ANKH: variants seen among roughly 807,000 people sequenced by gnomAD.
The protein encoded by ANKH is mineralization regulator ANKH.
ANKH carries 15 observed loss-of-function variants against 49.0 expected under a neutral mutation model. The observed-to-expected ratio is 0.31, with a 90% CI of 0.20 to 0.47. The LOEUF (loss-of-function observed/expected upper bound fraction) is 0.47, where lower values mean the gene tolerates loss of function less well. ANKH is among the 20% of genes least tolerant of loss of function. The pLI, the probability that ANKH is intolerant of heterozygous loss-of-function variation, is 1.00. For synonymous variants in ANKH, 273 were observed against 260.0 expected, an observed-to-expected ratio of 1.05 and a Z score of -0.48; for missense variants, 429 against 652.0, an observed-to-expected ratio of 0.66 and a Z score of 3.72.
chr5:14,712,565 C>T (rs1426803181), intron 11 of ANKH, among the ~76,000 whole-genome samples: 2 of 152,264 alleles, frequency 1.3e-5, no homozygotes, highest in African/African-American at 4.8e-5. Flanking sequence ...GGGTCATTCC[C>T]CAAAGCAAGC....
intron 1 of ANKH, among the ~76,000 whole-genome samples, chr5:14,815,627 A>G (rs1350884918): frequency 1.3e-5 from 2 of 152,208 alleles, no homozygotes; most frequent in African/African-American, 4.8e-5. Context: ...CTCATGGATG[A>G]CAAAGTACTC....
intron 1 of ANKH, among the ~76,000 whole-genome samples, chr5:14,819,928 C>G (rs1354420574): frequency 7.0e-6 from 1 of 143,426 alleles, no homozygotes; most frequent in Non-Finnish European, 1.5e-5. Context: ...CACACACACA[C>G]ACACACACAC....
intron 1 of ANKH, among the ~76,000 whole-genome samples, chr5:14,793,248 C>G (rs1441074086): frequency 6.6e-6 from 1 of 151,254 alleles, no homozygotes; most frequent in African/African-American, 2.4e-5. Context: ...TGCTTTGACC[C>G]TGACATCTAA....
chr5:14,845,578 G>A (rs1310988481), intron 1 of ANKH, among the ~76,000 whole-genome samples: 1 of 152,114 alleles, frequency 6.6e-6, no homozygotes, highest in Non-Finnish European at 1.5e-5. Context: ...GGACTTGAGA[G>A]GAAGTTGTTC....
rs1047210443 is a variant in ANKH at position 14,725,750 on chromosome 5, A to AT, written c.1012-8916dup. 3.5e-4 allele frequency among the ~76,000 whole-genome samples: 53 copies of AT among 151,564 alleles called. No homozygotes were observed. The highest frequency in any genetic ancestry group is 2.0e-3 in the Admixed American group (30 of 15,236). ...CATGTATTCTTTTTATCAGAAAAACATTTTTTTTTCTTTTGAGATGCAGCC... is the reference window on the plus strand; with the variant it reads ...CATGTATTCTTTTTATCAGAAAAACATTTTTTTTTTCTTTTGAGATGCAGCC... On this transcript the variant is annotated intron_variant, in intron 8 of 11. Coordinates refer to ENST00000284268, the MANE Select transcript of ANKH (RefSeq NM_054027.6). The surrounding 1 kb of genome is among the most constrained non-coding windows in gnomAD (Gnocchi z 4.0).
intron 1 of ANKH, among the ~76,000 whole-genome samples, chr5:14,818,167 T>C (rs943898849): frequency 1.3e-5 from 2 of 151,826 alleles, no homozygotes; most frequent in African/African-American, 4.8e-5. Context: ...CCACGCATCC[T>C]GATGAAACCT....
chr5:14,717,554 AG>A (rs1737517287), intron 8 of ANKH, among the ~76,000 whole-genome samples: 1 of 152,248 alleles, frequency 6.6e-6, no homozygotes, highest in Non-Finnish European at 1.5e-5. Context: ...GGTCCAGAGC[AG>A]GATGGCTGGA....
intron 1 of ANKH, among the ~76,000 whole-genome samples, chr5:14,845,366 A>ATATATAT (rs1425131816): frequency 9.2e-5 from 7 of 75,726 alleles, no homozygotes; most frequent in African/African-American, 2.0e-4. Context: ...ATATATATAT[A>ATATATAT]TTTTTTTTTT....
At position 14,867,014 on chromosome 5, in the gene ANKH, G is replaced by A. The variant is rs984167293; in HGVS notation, c.96+4338C>T. Reference sequence around the variant, plus strand: ...TCTACAAAATATACAAAAATTAGCCGGGGGTGGTGGTGCACGCCTGTAGTC... The same window carrying A: ...TCTACAAAATATACAAAAATTAGCCAGGGGTGGTGGTGCACGCCTGTAGTC... On this transcript the variant is annotated intron_variant, in intron 1 of 11. Transcript: ENST00000284268. Among the ~76,000 whole-genome samples the A allele has an allele frequency of 7.2e-5, 11 of 151,962 alleles. 1 individual carries two copies. In the South Asian group the frequency reaches 8.3e-4, roughly 11 times the overall value.
Position 14,770,404 on chromosome 5 carries a change from C to CCTATGTTTTTTCCTATATATA in ANKH, c.97-1234_97-1214dup, listed in dbSNP as rs1739396237. Among the ~76,000 whole-genome samples, 1 of 152,084 alleles carries CCTATGTTTTTTCCTATATATA rather than the reference C, an allele frequency of 6.6e-6. No homozygotes were observed. Among genetic ancestry groups the CCTATGTTTTTTCCTATATATA allele is most frequent in the Admixed American group, 6.6e-5 (1 of 15,256 alleles). On this transcript the variant is annotated intron_variant, in intron 1 of 11. Coordinates refer to ENST00000284268, the MANE Select transcript of ANKH (RefSeq NM_054027.6). The surrounding 1 kb of genome is among the most constrained non-coding windows in gnomAD (Gnocchi z 4.1). ...TGAATGCCTGAAACCATGGAAAGTACCTATGTTTTTTCCTATATATACTAT... is the reference window on the plus strand; with the variant it reads ...TGAATGCCTGAAACCATGGAAAGTACCTATGTTTTTTCCTATATATACTATGTTTTTTCCTATATATACTAT...
intron 8 of ANKH, among the ~76,000 whole-genome samples, chr5:14,720,482 A>G (rs1215193515): frequency 6.6e-6 from 1 of 152,202 alleles, no homozygotes; most frequent in Admixed American, 6.5e-5. Flanking sequence ...AACACTCAGC[A>G]TGGAGTTGGA....
Position 14,705,737 on chromosome 5 carries a change from C to A in ANKH, c.*5460G>T, listed in dbSNP as rs557456192. 6.5e-6 allele frequency: 1 copy of A among 152,864 alleles called. No individual in the cohort carries two copies. Among genetic ancestry groups the A allele is most frequent in the Admixed American group, 6.5e-5 (1 of 15,278 alleles). The allele number at this position is 152,864 out of a possible 1,614,324, so 9.5% of individuals were successfully genotyped here. On this transcript the variant is annotated 3_prime_UTR_variant, in exon 12 of 12. Transcript: ENST00000284268. ...GCCCTGGGGTAAGGGACCTGCTGCA[C>A]GGTGACATGACCATCGCTGTGGGGT...
At chr5:14,793,056 AT>A (rs1389636269) in intron 1 of ANKH, among the ~76,000 whole-genome samples, 4 of 48,292 alleles carry the variant, frequency 8.3e-5, no homozygotes, top group East Asian at 1.6e-3. Flanking sequence ...ATAAATATAT[AT>A]AAAATATATA....
chr5:14,789,993 A>C (rs1413031523), intron 1 of ANKH, among the ~76,000 whole-genome samples: 1 of 152,228 alleles, frequency 6.6e-6, no homozygotes, highest in Non-Finnish European at 1.5e-5. Context: ...TACAGGCGTG[A>C]GCCACCAGGC....
At chr5:14,866,879 T>A (rs1214180249) in intron 1 of ANKH, among the ~76,000 whole-genome samples, 1 of 152,208 alleles carries the variant, frequency 6.6e-6, no homozygotes, top group Non-Finnish European at 1.5e-5. Flanking sequence ...GTTTTTAAAA[T>A]TCAATATACA....
chr5:14,713,622 T>A lies in ANKH; in HGVS notation c.1187A>T (p.Lys396Ile). 1 of 1,614,172 alleles carries A rather than the reference T, an allele frequency of 6.2e-7. No individual in the cohort carries two copies. Among genetic ancestry groups the A allele is most frequent in the Non-Finnish European group, 8.5e-7 (1 of 1,180,018 alleles). Reference sequence around the variant, plus strand: ...AGAGCTGGGGGCAAGGACGAAGGTTTTCTTCAGTGTCATCAGCCACCCGGT... The same window carrying A: ...AGAGCTGGGGGCAAGGACGAAGGTTATCTTCAGTGTCATCAGCCACCCGGT... The part of the protein sequence containing the change: ...HLTGWLMTLK[K>I]TFVLAPSSVL... The change falls in exon 10 of 12, where the codon AAA becomes ATA. Residue 396 changes from lysine to isoleucine, a missense_variant. Coordinates refer to ENST00000284268, the MANE Select transcript of ANKH (RefSeq NM_054027.6). The surrounding 1 kb of genome is among the most constrained non-coding windows in gnomAD (Gnocchi z 4.4).
At chr5:14,780,070 T>C (rs1580061571) in intron 1 of ANKH, among the ~76,000 whole-genome samples, 1 of 143,492 alleles carries the variant, frequency 7.0e-6, no homozygotes, top group Non-Finnish European at 1.5e-5. Flanking sequence ...TTTTTTTTTT[T>C]CTGACCAGGC....
At chr5:14,827,938 T>A (rs540547436) in intron 1 of ANKH, among the ~76,000 whole-genome samples, 1 of 152,334 alleles carries the variant, frequency 6.6e-6, no homozygotes, top group South Asian at 2.1e-4. Flanking sequence ...GAGCCATATC[T>A]GTTTGGATAA....
chr5:14,774,878 C>T (rs1260591699), intron 1 of ANKH, among the ~76,000 whole-genome samples: 1 of 132,866 alleles, frequency 7.5e-6, no homozygotes, highest in African/African-American at 2.7e-5. Context: ...TGAAGTAAAA[C>T]GTATACAAAT....
Sources: gnomAD v4.1 joint callset for allele counts (sites outside exome capture counted in the v4.1 genomes callset) on GRCh38, gnomAD v4.1.1 for gene constraint, Gnocchi (gnomAD v3.1) non-coding constraint, MANE v1.5 for transcripts, NCBI Gene and HGNC (gene_info 2026-07-23, HGNC 2026-07-21) for gene names.